The following HECW2 variants were observed in gnomAD, a reference collection of about 807,000 sequenced individuals.
The protein encoded by HECW2 is HECT, C2 and WW domain containing E3 ubiquitin protein ligase 2.
Under a neutral mutation model 175.2 loss-of-function variants are expected in HECW2, and 61 were observed. The observed-to-expected ratio is 0.35, with a 90% confidence interval of 0.28 to 0.43. HECW2 has a LOEUF of 0.43. Among genes scored for constraint, HECW2 ranks in the 20% least tolerant of loss-of-function variants. The pLI is 1.00. For missense variants in HECW2, 1,524 were observed against 2,000.5 expected (o/e 0.76, Z 4.54); for synonymous variants, 671 against 731.0 (o/e 0.92, Z 1.32).
At chr2:196,533,310 T>C (rs1688904503) in intron 1 of HECW2, among the ~76,000 whole-genome samples, 1 of 152,250 alleles carries the variant, frequency 6.6e-6, no homozygotes, top group African/African-American at 2.4e-5. Flanking sequence ...CAATGACCTC[T>C]ATCTATTTCC....
chr2:196,279,333 C>A (rs190663593), intron 14 of HECW2, among the ~76,000 whole-genome samples: 12 of 152,306 alleles, frequency 7.9e-5, no homozygotes, highest in Middle Eastern at 3.4e-3. Flanking sequence ...CAGGCGTGAG[C>A]CACCGCGCCT....
In HECW2 at chr2:196,325,046, G is replaced by A; in HGVS notation, c.675C>T (p.Ala225=). 1 of 1,611,850 alleles carries A rather than the reference G, an allele frequency of 6.2e-7. No homozygotes were observed. The highest frequency in any genetic ancestry group is 8.5e-7 in the Non-Finnish European group (1 of 1,179,170). Residue 225 remains alanine, a synonymous_variant, in exon 6 of 29, where the codon GCC becomes GCT. Transcript: ENST00000644978. The part of the protein sequence containing the change: ...PGKKSSFPTC[A]HHGQERRSTI... ...TAGACCGTCTCTCCTGCCCGTGGTG[G>A]GCACAGGTGGGGAAACTGCTCTTCT... is the stretch of plus-strand genomic sequence containing the variant.
At chr2:196,356,993 C>T (rs544940198) in intron 2 of HECW2, among the ~76,000 whole-genome samples, 1 of 152,306 alleles carries the variant, frequency 6.6e-6, no homozygotes, top group East Asian at 1.9e-4. Context: ...CTCAACACTA[C>T]ACCTTACTGT....
At chr2:196,518,893 G>A (rs77194846) in intron 1 of HECW2, among the ~76,000 whole-genome samples, 1,858 of 152,122 alleles carry the variant, frequency 0.012, 44 homozygotes, top group African/African-American at 0.043. Context: ...AGTATCCCAC[G>A]GTGTTGGCGT....
At chr2:196,350,104 T>A (rs568540727) in intron 2 of HECW2, among the ~76,000 whole-genome samples, 122 of 152,230 alleles carry the variant, frequency 8.0e-4, no homozygotes, top group Non-Finnish European at 1.4e-3. Flanking sequence ...TGGCTCATGC[T>A]TGTAATCCCA....
chr2:196,414,487 T>G (rs187714364), intron 2 of HECW2, among the ~76,000 whole-genome samples: 55 of 152,348 alleles, frequency 3.6e-4, no homozygotes, highest in African/African-American at 1.2e-3. Context: ...CGCCATGATC[T>G]GGTGCGAACA....
intron 2 of HECW2, among the ~76,000 whole-genome samples, chr2:196,405,342 G>A (rs956615126): frequency 6.6e-6 from 1 of 152,132 alleles, no homozygotes. Flanking sequence ...AATACTGCCA[G>A]GCAACTTTGC....
chr2:196,584,893 TTATGAAATA>T (rs1690920124), intron 1 of HECW2, among the ~76,000 whole-genome samples: 1 of 152,186 alleles, frequency 6.6e-6, no homozygotes, highest in African/African-American at 2.4e-5. Flanking sequence ...CATTTGTTGC[TTATGAAATA>T]TTTAAAATAT....
Position 196,228,083 on chromosome 2 carries a change from T to G in HECW2, c.3917+19A>C. On this transcript the variant is annotated intron_variant, in intron 22 of 28. Coordinates refer to ENST00000644978, the MANE Select transcript of HECW2 (RefSeq NM_001348768.2). ...ATAGGAAATCGCCTGAAGAAAAGTG[T>G]TGGGGAAAAAATACTTACCATTCAT... is the stretch of plus-strand genomic sequence containing the variant. 1.1e-5 allele frequency: 17 copies of G among 1,505,584 alleles called. No homozygotes were observed. Among genetic ancestry groups the G allele is most frequent in the Non-Finnish European group, 1.4e-5 (16 of 1,124,266 alleles). The allele number at this position is 1,505,584 out of a possible 1,614,324, so 93.3% of individuals were successfully genotyped here. A position where few individuals can be genotyped will look rare whatever the true frequency, so the allele number is the denominator to read the frequency against.
At chr2:196,499,949 C>G (rs893870695) in intron 1 of HECW2, among the ~76,000 whole-genome samples, 2 of 152,124 alleles carry the variant, frequency 1.3e-5, no homozygotes, top group African/African-American at 4.8e-5. Flanking sequence ...CAACAAACCA[C>G]CCTTGTGTAT....
At chr2:196,559,976 C>T (rs1382394792) in intron 1 of HECW2, among the ~76,000 whole-genome samples, 1 of 152,122 alleles carries the variant, frequency 6.6e-6, no homozygotes, top group East Asian at 1.9e-4. Flanking sequence ...TCTACCAGTT[C>T]ACTTGCAGAG....
At chr2:196,402,083 C>T (rs757579044) in intron 2 of HECW2, among the ~76,000 whole-genome samples, 13 of 151,360 alleles carry the variant, frequency 8.6e-5, no homozygotes, top group Non-Finnish European at 1.9e-4. Context: ...CGCCTGTAGT[C>T]CCAGCTACTC....
chr2:196,472,975 A>G (rs1697275372), intron 1 of HECW2, among the ~76,000 whole-genome samples: 1 of 152,180 alleles, frequency 6.6e-6, no homozygotes, highest in Admixed American at 6.5e-5. Context: ...GTCATATTAC[A>G]TTTTATACTT....
intron 13 of HECW2, 25 bp downstream of exon 13, chr2:196,306,463 A>C: frequency 6.3e-7 from 1 of 1,589,292 alleles, no homozygotes; most frequent in South Asian, 1.1e-5. Context: ...GTTTTCCTTC[A>C]CACTCTTTCA....
chr2:196,225,639 C>T, intron 23 of HECW2, 133 bp downstream of exon 23: 2 of 576,162 alleles, frequency 3.5e-6, no homozygotes, highest in Non-Finnish European at 6.3e-6. Flanking sequence ...GAAATCTAAA[C>T]CACTATTAGG....
intron 14 of HECW2, among the ~76,000 whole-genome samples, chr2:196,283,552 T>C (rs1197773271): frequency 1.3e-5 from 2 of 151,926 alleles, no homozygotes; most frequent in Non-Finnish European, 2.9e-5. Flanking sequence ...CCTAATTTTT[T>C]GTATTTTTAA....
chr2:196,206,565 T>C (rs1469197466), intron 28 of HECW2, among the ~76,000 whole-genome samples: 4 of 152,260 alleles, frequency 2.6e-5, no homozygotes, highest in South Asian at 2.1e-4. Flanking sequence ...CATTTATTCC[T>C]TCACTCGCTG....
Position 196,324,714 on chromosome 2 carries a change from TA to T in HECW2, c.741+265del, listed in dbSNP as rs1008021141. ...TGAATTTTTTGCATTAATTGTGAGT[TA>T]AAAAAAACTGCATTAAGACCTTTAT... On this transcript the variant is annotated intron_variant, in intron 6 of 28. Transcript: ENST00000644978. 3.3e-5 allele frequency among the ~76,000 whole-genome samples: 5 copies of T among 152,116 alleles called. No individual in the cohort carries two copies. In the East Asian group the frequency reaches 5.8e-4, roughly 18 times the overall value.
rs1308194395 is a variant in HECW2, at chr2:196,319,181, G to A, written c.1709C>T (p.Ser570Phe). ...ACTTGTGGGCTGATCTACCTCTTGAGAGCCACACAGTTCAGCACTGCCCTG... is the reference window on the plus strand; with the variant it reads ...ACTTGTGGGCTGATCTACCTCTTGAAAGCCACACAGTTCAGCACTGCCCTG... ...ADQGSAELCG[S>F]QEVDQPTSGA... Residue 570 changes from serine (S) to phenylalanine (F), a missense_variant, in exon 9 of 29, where the codon TCT becomes TTT. Around this residue, in one of 11 missense-constraint regions of HECW2, gnomAD observed 604 missense variants for 588.3 expected, o/e 1.03. Transcript: ENST00000644978. 6.3e-7 allele frequency: 1 copy of A among 1,596,256 alleles called. No homozygotes were observed. The highest frequency in any genetic ancestry group is 1.7e-5 in the Admixed American group (1 of 58,702).
Sources: allele counts gnomAD v4.1 joint callset (sites outside exome capture counted in the v4.1 genomes callset), GRCh38; gene constraint gnomAD v4.1.1; regional missense constraint gnomAD v4.1.1; transcripts MANE v1.5; gene names NCBI Gene and HGNC (gene_info 2026-07-23, HGNC 2026-07-21).